The following MXRA8 variants were observed in gnomAD, a reference collection of about 807,000 sequenced individuals.
The protein encoded by MXRA8 is matrix remodeling associated 8.
A neutral mutation model predicts 51.4 loss-of-function variants in MXRA8; 44 were observed. The ratio of observed to expected loss-of-function variants is 0.86; its 90% CI spans 0.67 to 1.10. MXRA8 has a LOEUF of 1.10. MXRA8 is among the 50% of genes least tolerant of loss of function. The pLI, the probability that MXRA8 is intolerant of heterozygous loss-of-function variation, is 0.00. For synonymous variants in MXRA8, 369 were observed against 293.5 expected, an observed-to-expected ratio of 1.26 and a Z score of -2.63; for missense variants, 765 against 638.9, an observed-to-expected ratio of 1.20 and a Z score of -2.13.
Position 1,355,586 on chromosome 1 carries a change from G to A in MXRA8, c.240C>T (p.Pro80=), listed in dbSNP as rs749672514. The A allele has an allele frequency of 2.0e-6, 3 of 1,477,994 alleles. No individual in the cohort carries two copies. Among genetic ancestry groups the A allele is most frequent in the East Asian group, 5.8e-5 (2 of 34,274 alleles). The allele number at this position is 1,477,994 out of a possible 1,614,324, so 91.6% of individuals were successfully genotyped here. The part of the protein sequence containing the change: ...QRVLHWDLRG[P]GGGPARRLLD... ...GCAGGCGCCGCGCGGGGCCACCCCC[G>A]GGGCCGCGCAGGTCCCAGTGGAGCA... Residue 80 remains proline, a synonymous_variant, in exon 3 of 10, where the codon CCC becomes CCT. Coordinates refer to ENST00000309212, the MANE Select transcript of MXRA8 (RefSeq NM_032348.4).
chr1:1,353,766 G>A, intron 9 of MXRA8, 82 bp downstream of exon 9: 1 of 1,476,052 alleles, frequency 6.8e-7, no homozygotes, highest in Non-Finnish European at 9.1e-7. Context: ...CCTGGCTGGT[G>A]CCTGCCATCG....
chr1:1,354,509 T>C lies in MXRA8; in HGVS notation c.950A>G (p.Asp317Gly). Reference protein sequence around the residue: ...GSSHSGAPGPDPTLARGHNVI... With the variant: ...GSSHSGAPGPGPTLARGHNVI... The stretch of plus-strand genomic sequence containing the variant: ...GTTGTGGCCGCGCGCCAGTGTGGGG[T>C]CTGCGGGGAACGCGGGGTCGGGGCG... The change falls in exon 6 of 10, where the codon GAC becomes GGC. Residue 317 changes from aspartate to glycine, a missense_variant and splice_region_variant. Transcript: ENST00000309212. 1 of 1,610,660 alleles carries C rather than the reference T, an allele frequency of 6.2e-7. No individual in the cohort carries two copies. The highest frequency in any genetic ancestry group is 8.5e-7 in the Non-Finnish European group (1 of 1,178,918).
rs1014995351 is a variant in MXRA8 at position 1,354,052 on chromosome 1, G to C, written c.1200C>G (p.Tyr400Ter). 5.0e-6 allele frequency: 8 copies of C among 1,612,820 alleles called. No homozygotes were observed. The highest frequency in any genetic ancestry group is 5.9e-6 in the Non-Finnish European group (7 of 1,179,996). ...CACCTAGCTGGATGTCCTCACTCCT[G>C]TAAAGCATCTGGTCCCCTGCAGCCA... ...FAVAAGDQML[Y>*]RSEDIQLDYK... is the part of the protein sequence containing the mutation. The change falls in exon 8 of 10, where the codon TAC (tyrosine) becomes TAG (stop). Residue 400 changes from tyrosine to a stop codon, truncating the protein, a stop_gained. Coordinates refer to ENST00000309212, the MANE Select transcript of MXRA8 (RefSeq NM_032348.4). LOFTEE classifies it high-confidence loss of function.
chr1:1,355,987 G>A (rs1411293414), intron 2 of MXRA8, among the ~76,000 whole-genome samples: 2 of 101,030 alleles, frequency 2.0e-5, no homozygotes, highest in Non-Finnish European at 2.2e-5. Context: ...GTCCTGATGG[G>A]GGAGGGTGAA....
chr1:1,359,622 T>G, upstream of MXRA8: 1 of 971,996 alleles, frequency 1.0e-6, no homozygotes, highest in Non-Finnish European at 1.2e-6. Context: ...CCAGTGCAGA[T>G]CAGAGTGGTG....
In MXRA8 at chr1:1,352,798, C is replaced by T. The variant is rs939972605; in HGVS notation, c.*806G>A. ...GGCCACCCCAAACCAACTTCACTCC[C>T]TCCCCTGTCCTCAGCCAGTACAGAA... On this transcript the variant is annotated 3_prime_UTR_variant, in exon 10 of 10. Transcript: ENST00000309212. The T allele has an allele frequency of 5.5e-6, 1 of 181,350 alleles. No homozygotes were observed. The highest frequency in any genetic ancestry group is 6.4e-5 in the Admixed American group (1 of 15,698). 11.2% of individuals were successfully genotyped at this position (181,350 alleles called of 1,614,324 possible). A position where few individuals can be genotyped will look rare whatever the true frequency, so the allele number is the denominator to read the frequency against.
upstream of MXRA8, chr1:1,358,802 T>A (rs1261860433): frequency 2.6e-6 from 3 of 1,158,244 alleles, no homozygotes; most frequent in Non-Finnish European, 3.2e-6. Context: ...CATGGGCCCC[T>A]GATACCACGT....
At chr1:1,353,824 G>T in intron 9 of MXRA8, 24 bp downstream of exon 9, 2 of 1,555,048 alleles carry the variant, frequency 1.3e-6, no homozygotes, top group Non-Finnish European at 1.7e-6. Context: ...TCTGAGATGG[G>T]CTGAGGTCGC....
chr1:1,356,758 A>T, intron 1 of MXRA8, 54 bp from the exon 2 acceptor site: 4 of 1,256,740 alleles, frequency 3.2e-6, no homozygotes, highest in Non-Finnish European at 4.1e-6. Flanking sequence ...CCCAGCCCCG[A>T]GACCCCCCAC....
upstream of MXRA8, chr1:1,361,104 G>T (rs577219315): frequency 1.0e-5 from 7 of 688,314 alleles, no homozygotes; most frequent in African/African-American, 1.2e-4. Flanking sequence ...CACACATGGA[G>T]ACACGCATGC....
Position 1,352,948 on chromosome 1 carries a change from G to A in MXRA8, c.*656C>T. 1 of 417,208 alleles carries A rather than the reference G, an allele frequency of 2.4e-6. No homozygotes were observed. Among genetic ancestry groups the A allele is most frequent in the Non-Finnish European group, 4.3e-6 (1 of 230,536 alleles). The allele number at this position is 417,208 out of a possible 1,614,324, so 25.8% of individuals were successfully genotyped here. On this transcript the variant is annotated 3_prime_UTR_variant, in exon 10 of 10. Coordinates refer to ENST00000309212, the MANE Select transcript of MXRA8 (RefSeq NM_032348.4). ...CTGAGAGCAAGGCTAGGGTAGGGATGGGGCAGAGAAAGGGCAAGGGGTGCA... is the reference window on the plus strand; with the variant it reads ...CTGAGAGCAAGGCTAGGGTAGGGATAGGGCAGAGAAAGGGCAAGGGGTGCA...
intron 1 of MXRA8, among the ~76,000 whole-genome samples, chr1:1,356,982 G>A (rs995938315): frequency 5.3e-5 from 8 of 151,918 alleles, no homozygotes; most frequent in African/African-American, 1.5e-4. Flanking sequence ...GCTTGTCACC[G>A]GGGCCACTCC....
At chr1:1,356,731 G>T in intron 1 of MXRA8, 27 bp from the exon 2 acceptor site, 1 of 1,397,072 alleles carries the variant, frequency 7.2e-7, no homozygotes, top group South Asian at 1.7e-5. Context: ...GAGCTGGAGA[G>T]GCCACCCACA....
chr1:1,360,508 G>GGGCGGGGGGGGGGGCA (rs771207941), upstream of MXRA8, among the ~76,000 whole-genome samples: 1 of 152,132 alleles, frequency 6.6e-6, no homozygotes, highest in Non-Finnish European at 1.5e-5. Flanking sequence ...GCTGGGGGGT[G>GGGCGGGGGGGGGGGCA]GTCTGCAGAG....
chr1:1,355,922 C>A (rs1032113266), intron 2 of MXRA8, among the ~76,000 whole-genome samples, 170 bp from the exon 3 acceptor site: 1 of 118,920 alleles, frequency 8.4e-6, no homozygotes, highest in Non-Finnish European at 1.8e-5. Context: ...GGGGCAGACC[C>A]CCGAGGGCCT....
In MXRA8 at chr1:1,358,499, C is replaced by G; in HGVS notation, c.6G>C (p.Ala2=). 6.2e-7 allele frequency: 1 copy of G among 1,613,218 alleles called. No individual in the cohort carries two copies. The highest frequency in any genetic ancestry group is 8.5e-7 in the Non-Finnish European group (1 of 1,179,650). The change falls in exon 1 of 10, where the codon GCG becomes GCC. Residue 2 remains alanine, a synonymous_variant. Transcript: ENST00000309212. M[A]LPSRILLWKL... ...TCCAAAGCAGGATTCGGGATGGCAGCGCCATGGCCCCCGCCCAGCCCCAGG... is the reference window on the plus strand; with the variant it reads ...TCCAAAGCAGGATTCGGGATGGCAGGGCCATGGCCCCCGCCCAGCCCCAGG...
upstream of MXRA8, chr1:1,361,691 C>T (rs2765022): frequency 6.9e-5 from 15 of 216,682 alleles, no homozygotes; most frequent in African/African-American, 2.5e-4. Context: ...ACATCGGAAG[C>T]GTTAGCACAG....
At chr1:1,360,007 C>T (rs1354645004), upstream of MXRA8, among the ~76,000 whole-genome samples, 2 of 152,248 alleles carry the variant, frequency 1.3e-5, no homozygotes, top group African/African-American at 4.8e-5. Context: ...CTCCTTCCGT[C>T]ACTCTCCCTG....
At chr1:1,359,595 C>T (rs2100824253), upstream of MXRA8, 2 of 984,906 alleles carry the variant, frequency 2.0e-6, no homozygotes, top group Non-Finnish European at 2.4e-6. Flanking sequence ...TGCCCAAGTC[C>T]TCAGACAGTG....
Sources: allele counts gnomAD v4.1 joint callset (sites outside exome capture counted in the v4.1 genomes callset), GRCh38; gene constraint gnomAD v4.1.1; transcripts MANE v1.5; gene names NCBI Gene and HGNC (gene_info 2026-07-23, HGNC 2026-07-21).